ANKRD55: variants seen among roughly 807,000 people sequenced by gnomAD.
ANKRD55 encodes the protein ankyrin repeat domain-containing protein 55.
Under a neutral mutation model 60.6 loss-of-function variants are expected in ANKRD55, and 41 were observed. The ratio of observed to expected loss-of-function variants is 0.68; its 90% CI spans 0.53 to 0.88. The LOEUF (loss-of-function observed/expected upper bound fraction) is 0.88. Among genes scored for constraint, ANKRD55 ranks in the 40% least tolerant of loss-of-function variants. The pLI, the probability that ANKRD55 is intolerant of heterozygous loss-of-function variation, is 0.00. For synonymous variants in ANKRD55, 264 were observed against 290.3 expected (o/e 0.91, Z 0.92); for missense variants, 732 against 767.6 (o/e 0.95, Z 0.55).
At chr5:56,154,236 A>G (rs1480979403) in intron 6 of ANKRD55, among the ~76,000 whole-genome samples, 1 of 149,758 alleles carries the variant, frequency 6.7e-6, no homozygotes, top group Non-Finnish European at 1.5e-5. Context: ...GTTGCAGAAC[A>G]CATAGAGTGG....
chr5:56,201,122 G>T (rs1759356867), intron 2 of ANKRD55, among the ~76,000 whole-genome samples: 1 of 152,196 alleles, frequency 6.6e-6, no homozygotes, highest in Non-Finnish European at 1.5e-5. Flanking sequence ...TCACTTCAAT[G>T]AACAGTTTCC....
intron 2 of ANKRD55, among the ~76,000 whole-genome samples, chr5:56,231,707 AC>A (rs1359338184): frequency 1.3e-5 from 2 of 151,104 alleles, no homozygotes; most frequent in Non-Finnish European, 2.9e-5. Context: ...ATACACATAC[AC>A]AAACACTATT....
At chr5:56,116,970 TCTAGC>T in intron 8 of ANKRD55, 188 bp from the exon 9 acceptor site, 1 of 539,432 alleles carries the variant, frequency 1.9e-6, no homozygotes, top group Non-Finnish European at 3.2e-6. Context: ...GGGCCTCTCC[TCTAGC>T]TCTAAGTATT....
At chr5:56,173,704 C>G (rs1758674163) in intron 4 of ANKRD55, among the ~76,000 whole-genome samples, 1 of 150,714 alleles carries the variant, frequency 6.6e-6, no homozygotes, top group Non-Finnish European at 1.5e-5. Context: ...GCCACCACGC[C>G]CGACTAATTT....
intron 7 of ANKRD55, among the ~76,000 whole-genome samples, chr5:56,135,312 T>C (rs960590810): frequency 8.3e-5 from 1 of 12,070 alleles, no homozygotes; most frequent in Non-Finnish European, 1.6e-4. Context: ...TCTTTCTTTC[T>C]TTCTTTCTTT....
At chr5:56,193,440 T>C (rs1759157180) in intron 2 of ANKRD55, 1 of 540,320 alleles carries the variant, frequency 1.9e-6, no homozygotes, top group Non-Finnish European at 3.4e-6. Context: ...TAGAGGGTCC[T>C]GGTTGCTGTT....
chr5:56,113,406 A>G (rs1756795023), intron 9 of ANKRD55, among the ~76,000 whole-genome samples: 1 of 152,212 alleles, frequency 6.6e-6, no homozygotes, highest in Admixed American at 6.5e-5. Context: ...AGTACAAGTT[A>G]TTAATTTGAT....
intron 2 of ANKRD55, chr5:56,193,045 G>T: frequency 1.0e-6 from 1 of 962,728 alleles, no homozygotes; most frequent in Non-Finnish European, 1.5e-6. Flanking sequence ...ATTGGTTTTT[G>T]AAAGCAGATG....
chr5:56,137,354 C>T, intron 7 of ANKRD55: 1 of 1,337,148 alleles, frequency 7.5e-7, no homozygotes, highest in Non-Finnish European at 1.1e-6. Flanking sequence ...CTAAGATGTG[C>T]CCCTGGACCT....
At chr5:56,164,355 C>G (rs2111800672) in intron 5 of ANKRD55, among the ~76,000 whole-genome samples, 1 of 152,242 alleles carries the variant, frequency 6.6e-6, no homozygotes, top group African/African-American at 2.4e-5. Context: ...GTCTCCCCTT[C>G]CTGTCCCTGG....
At chr5:56,150,667 G>A (rs1758018537) in intron 6 of ANKRD55, among the ~76,000 whole-genome samples, 1 of 152,114 alleles carries the variant, frequency 6.6e-6, no homozygotes, top group Non-Finnish European at 1.5e-5. Flanking sequence ...GGAGGCCAAG[G>A]TGGATGAATC....
At chr5:56,227,030 C>T (rs928942512) in intron 2 of ANKRD55, among the ~76,000 whole-genome samples, 9 of 132,062 alleles carry the variant, frequency 6.8e-5, no homozygotes, top group African/African-American at 2.5e-4. Context: ...TATAAAGACA[C>T]ATGCACATGT....
chr5:56,182,860 T>C (rs1282569463), intron 3 of ANKRD55, among the ~76,000 whole-genome samples: 1 of 152,122 alleles, frequency 6.6e-6, no homozygotes, highest in African/African-American at 2.4e-5. Context: ...TTGGCTGGAG[T>C]AGGGACTTAT....
chr5:56,192,384 G>T (rs897072293), intron 2 of ANKRD55: 3 of 168,742 alleles, frequency 1.8e-5, no homozygotes, highest in Non-Finnish European at 3.8e-5. Flanking sequence ...CGCTGCTGCC[G>T]GAGACTGATC....
At chr5:56,107,306 T>A (rs1412755722) in intron 10 of ANKRD55, among the ~76,000 whole-genome samples, 1 of 152,170 alleles carries the variant, frequency 6.6e-6, no homozygotes, top group Non-Finnish European at 1.5e-5. Flanking sequence ...AAAAATTGGT[T>A]GAAAAAAATA....
At chr5:56,165,086 AC>A (rs1340830870) in intron 5 of ANKRD55, among the ~76,000 whole-genome samples, 1 of 152,186 alleles carries the variant, frequency 6.6e-6, no homozygotes, top group African/African-American at 2.4e-5. Context: ...TCCAGTGAGC[AC>A]CAAATAGAAG....
chr5:56,228,787 T>C (rs1347973030), intron 2 of ANKRD55, among the ~76,000 whole-genome samples: 1 of 152,160 alleles, frequency 6.6e-6, no homozygotes, highest in African/African-American at 2.4e-5. Context: ...AAATTTCTGT[T>C]GTTTTAAGCT....
intron 7 of ANKRD55, among the ~76,000 whole-genome samples, chr5:56,141,083 A>C (rs917295308): frequency 5.4e-5 from 8 of 149,348 alleles, no homozygotes; most frequent in South Asian, 2.1e-4. Flanking sequence ...ATCTATCTAT[A>C]TATATATGTG....
intron 7 of ANKRD55, among the ~76,000 whole-genome samples, chr5:56,134,342 C>T (rs1757497707): frequency 8.7e-6 from 1 of 114,674 alleles, no homozygotes; most frequent in African/African-American, 2.8e-5. Context: ...CTTTGGGAGG[C>T]CGAGACAGGT....
Sources: gnomAD v4.1 joint callset for allele counts (sites outside exome capture counted in the v4.1 genomes callset) on GRCh38, gnomAD v4.1.1 for gene constraint, MANE v1.5 for transcripts, NCBI Gene and HGNC (gene_info 2026-07-23, HGNC 2026-07-21) for gene names.